POT1: variants seen among roughly 807,000 people sequenced by gnomAD.
The protein encoded by POT1 is protection of telomeres protein 1.
A neutral mutation model predicts 78.5 loss-of-function variants in POT1; 47 were observed. The ratio of observed to expected loss-of-function variants is 0.60; its 90% CI spans 0.47 to 0.76. The LOEUF (loss-of-function observed/expected upper bound fraction) is 0.76. Among genes scored for constraint, POT1 ranks in the 30% least tolerant of loss-of-function variants. The probability of loss-of-function intolerance (pLI) is 0.00; values close to 1 mark genes in which losing one functional copy is unlikely to be tolerated. For missense variants in POT1, 646 were observed against 749.9 expected (o/e 0.86, Z 1.62); for synonymous variants, 259 against 260.7 (o/e 0.99, Z 0.06).
Position 124,892,352 on chromosome 7 carries a change from GGT to G in POT1, c.36_37del (p.Leu14GlufsTer4). The G allele has an allele frequency of 6.7e-7, 1 of 1,500,648 alleles. No homozygotes were observed. The highest frequency in any genetic ancestry group is 8.8e-7 in the Non-Finnish European group (1 of 1,131,476). 93.0% of individuals were successfully genotyped at this position (1,500,648 alleles called of 1,614,324 possible). On this transcript the variant is annotated frameshift_variant, in exon 6 of 19. Transcript: ENST00000357628. LOFTEE classifies it high-confidence loss of function. ...TGTACCACCCTTAAGTTGATTCAGG[GGT>G]GTATATATATAATTTGTTGCTGGAA...
chr7:124,904,752 G>C (rs900900173), intron 3 of POT1, among the ~76,000 whole-genome samples: 2 of 152,070 alleles, frequency 1.3e-5, no homozygotes, highest in African/African-American at 2.4e-5. Context: ...AAACCCCATC[G>C]GTCTCAGCTC....
At chr7:124,829,103 T>C (rs1794699179) in intron 16 of POT1, 151 bp downstream of exon 16, 1 of 769,390 alleles carries the variant, frequency 1.3e-6, no homozygotes, top group Non-Finnish European at 2.4e-6. Context: ...GGCAGATATC[T>C]TTAAATTTAC....
rs202009081 is a variant in POT1 at position 124,897,207 on chromosome 7, A to G, written c.-34T>C. The stretch of plus-strand genomic sequence containing the variant: ...TAGAAAAATCTCTTAAAGATTTGAC[A>G]TAAACCTGAAGGAAAAAAAGAAAGA... On this transcript the variant is annotated 5_prime_UTR_variant, in exon 5 of 19. It removes an upstream start codon present in the reference 5' UTR. Coordinates refer to ENST00000357628, the MANE Select transcript of POT1 (RefSeq NM_015450.3). 4.3e-4 allele frequency: 602 copies of G among 1,407,808 alleles called. No homozygotes were observed. The highest frequency in any genetic ancestry group is 5.1e-4 in the Non-Finnish European group (516 of 1,015,914). The allele number at this position is 1,407,808 out of a possible 1,614,324, so 87.2% of individuals were successfully genotyped here. A position where few individuals can be genotyped will look rare whatever the true frequency, so the allele number is the denominator to read the frequency against.
At chr7:124,837,746 AT>A (rs1262947858) in intron 14 of POT1, among the ~76,000 whole-genome samples, 2 of 152,128 alleles carry the variant, frequency 1.3e-5, no homozygotes, top group Non-Finnish European at 2.9e-5. Context: ...AACCAAATAC[AT>A]TACAAGAATG....
At chr7:124,883,417 G>A (rs962412428) in intron 6 of POT1, among the ~76,000 whole-genome samples, 2 of 151,970 alleles carry the variant, frequency 1.3e-5, no homozygotes, top group African/African-American at 2.4e-5. Context: ...TTAATCCCTT[G>A]TCAGAAACAA....
At chr7:124,928,166 C>T (rs1181790753) in intron 2 of POT1, among the ~76,000 whole-genome samples, 1 of 152,140 alleles carries the variant, frequency 6.6e-6, no homozygotes, top group Non-Finnish European at 1.5e-5. Flanking sequence ...TCCCCTCTGC[C>T]ACTGGCCCAG....
chr7:124,830,911 G>A (rs1794744012), intron 15 of POT1, among the ~76,000 whole-genome samples: 1 of 152,082 alleles, frequency 6.6e-6, no homozygotes, highest in African/African-American at 2.4e-5. Context: ...CTCTAACACG[G>A]AAAGAAACCT....
At chr7:124,867,673 G>C (rs1795763878) in intron 7 of POT1, among the ~76,000 whole-genome samples, 1 of 151,614 alleles carries the variant, frequency 6.6e-6, no homozygotes, top group African/African-American at 2.4e-5. Flanking sequence ...TTTGGATGGA[G>C]TCGTGCTCTG....
rs1444551164 is a variant in POT1 at position 124,859,025 on chromosome 7, G to A, written c.634C>T (p.Arg212Trp). 1.2e-6 allele frequency: 2 copies of A among 1,610,188 alleles called. No individual in the cohort carries two copies. The highest frequency in any genetic ancestry group is 1.7e-6 in the Non-Finnish European group (2 of 1,177,348). Residue 212 changes from arginine (R) to tryptophan (W), a missense_variant, in exon 9 of 19, where the codon CGG (arginine) becomes TGG (tryptophan). Physicochemically the swap from Arg to Trp is moderately radical, Grantham distance 101 (BLOSUM62 -3). Around this residue, in one of 2 missense-constraint regions of POT1, gnomAD observed 252 missense variants for 341.4 expected, o/e 0.74. Coordinates refer to ENST00000357628, the MANE Select transcript of POT1 (RefSeq NM_015450.3). ...VLEGDLSHIH[R>W]LQNLTIDILV... is the part of the protein sequence containing the mutation. Reference sequence around the variant, plus strand: ...ATGTCTATTGTCAGATTTTGTAGCCGATGGATGTGACTTAAATCACCTTCA... The same window carrying A: ...ATGTCTATTGTCAGATTTTGTAGCCAATGGATGTGACTTAAATCACCTTCA...
At chr7:124,871,808 A>G (rs2116570290) in intron 6 of POT1, among the ~76,000 whole-genome samples, 1 of 151,964 alleles carries the variant, frequency 6.6e-6, no homozygotes, top group East Asian at 1.9e-4. Context: ...TCTGAAGTAC[A>G]CATACATTGT....
At chr7:124,860,602 T>C (rs1443187851) in intron 8 of POT1, among the ~76,000 whole-genome samples, 2 of 152,182 alleles carry the variant, frequency 1.3e-5, no homozygotes, top group Non-Finnish European at 2.9e-5. Flanking sequence ...GAAAGGCTTT[T>C]ACTAATTCTT....
intron 3 of POT1, among the ~76,000 whole-genome samples, chr7:124,914,853 C>T (rs1796979730): frequency 6.6e-6 from 1 of 152,080 alleles, no homozygotes; most frequent in Non-Finnish European, 1.5e-5. Flanking sequence ...TAATCTCATG[C>T]ATATACAGAG....
At chr7:124,883,583 G>A (rs1363399759) in intron 6 of POT1, among the ~76,000 whole-genome samples, 2 of 151,748 alleles carry the variant, frequency 1.3e-5, no homozygotes, top group South Asian at 2.1e-4. Flanking sequence ...ACAACCTTAC[G>A]GTTCTAATAT....
rs1794535168 is a variant in POT1, at chr7:124,822,704, T to C, written c.*1258A>G. 1.4e-5 allele frequency: 4 copies of C among 279,652 alleles called. No homozygotes were observed. The highest frequency in any genetic ancestry group is 9.9e-5 in the Admixed American group (3 of 30,348). The allele number at this position is 279,652 out of a possible 1,614,324, so 17.3% of individuals were successfully genotyped here. ...TTCTTGAAAATAAAATCAGTCTTTC[T>C]CATTGTCTCAAACAAGCTGATAAGT... On this transcript the variant is annotated 3_prime_UTR_variant, in exon 19 of 19. Coordinates refer to ENST00000357628, the MANE Select transcript of POT1 (RefSeq NM_015450.3).
intron 12 of POT1, among the ~76,000 whole-genome samples, chr7:124,846,111 T>G (rs79198977): frequency 6.6e-6 from 1 of 151,618 alleles, no homozygotes; most frequent in East Asian, 1.9e-4. Context: ...GCTGCCTCTA[T>G]GCTTTTTCAT....
At chr7:124,827,151 T>C (rs561398690) in intron 17 of POT1, 63 bp downstream of exon 17, 1 of 955,634 alleles carries the variant, frequency 1.0e-6, no homozygotes, top group Non-Finnish European at 1.5e-6. Flanking sequence ...TATGAATAAA[T>C]GTATTCAATT....
chr7:124,872,157 C>A (rs1184775379), intron 6 of POT1, among the ~76,000 whole-genome samples: 1 of 152,114 alleles, frequency 6.6e-6, no homozygotes, highest in Non-Finnish European at 1.5e-5. Flanking sequence ...TTGTAAATGA[C>A]AGAATTTCCT....
chr7:124,908,154 A>G (rs1397523260), intron 3 of POT1, among the ~76,000 whole-genome samples: 1 of 152,066 alleles, frequency 6.6e-6, no homozygotes, highest in Non-Finnish European at 1.5e-5. Flanking sequence ...TAATTTTCCT[A>G]TATTGACCTT....
At chr7:124,889,616 T>C (rs908002504) in intron 6 of POT1, among the ~76,000 whole-genome samples, 1 of 152,050 alleles carries the variant, frequency 6.6e-6, no homozygotes, top group African/African-American at 2.4e-5. Context: ...AGGTTCACTC[T>C]CTTGTGAGAG....
Sources: allele counts gnomAD v4.1 joint callset (sites outside exome capture counted in the v4.1 genomes callset), GRCh38; gene constraint gnomAD v4.1.1; regional missense constraint gnomAD v4.1.1; transcripts MANE v1.5; gene names NCBI Gene and HGNC (gene_info 2026-07-23, HGNC 2026-07-21).